LHFPL3: variants seen among roughly 807,000 people sequenced by gnomAD.
LHFPL3 encodes the protein LHFPL tetraspan subfamily member 3.
LHFPL3 carries 5 observed loss-of-function variants against 19.3 expected under a neutral mutation model. That is an observed-to-expected ratio of 0.26 (90% CI 0.14 to 0.54). The LOEUF (loss-of-function observed/expected upper bound fraction) is 0.54. Among genes scored for constraint, LHFPL3 ranks in the 20% least tolerant of loss-of-function variants. LHFPL3 has a pLI of 0.94. For synonymous variants in LHFPL3, 133 were observed against 126.2 expected, an observed-to-expected ratio of 1.05 and a Z score of -0.36; for missense variants, 249 against 307.4, an observed-to-expected ratio of 0.81 and a Z score of 1.42.
intron 1 of LHFPL3, among the ~76,000 whole-genome samples, chr7:104,598,339 G>C (rs1206844066): frequency 6.6e-6 from 1 of 152,186 alleles, no homozygotes; most frequent in Non-Finnish European, 1.5e-5. Flanking sequence ...CTGCCTACAA[G>C]AGCAGAGCTT....
At chr7:104,787,503 T>C (rs1251665533) in intron 2 of LHFPL3, among the ~76,000 whole-genome samples, 2 of 152,190 alleles carry the variant, frequency 1.3e-5, no homozygotes, top group African/African-American at 4.8e-5. Flanking sequence ...CTTCCATAGA[T>C]GGCATTCTTC....
chr7:104,366,265 G>A (rs2116420629), intron 1 of LHFPL3, among the ~76,000 whole-genome samples: 1 of 152,298 alleles, frequency 6.6e-6, no homozygotes, highest in African/African-American at 2.4e-5. Context: ...TGATTGAAAT[G>A]GAGCAGGAAT....
chr7:104,619,492 T>A (rs1042518285), intron 1 of LHFPL3, among the ~76,000 whole-genome samples: 10 of 152,212 alleles, frequency 6.6e-5, no homozygotes, highest in Non-Finnish European at 1.5e-4. Flanking sequence ...ATTAAAGTTC[T>A]TATTATGCAG....
At chr7:104,591,877 A>G (rs1010085031) in intron 1 of LHFPL3, among the ~76,000 whole-genome samples, 1 of 152,154 alleles carries the variant, frequency 6.6e-6, no homozygotes, top group African/African-American at 2.4e-5. Context: ...ATCTTCAATC[A>G]CTGATACCCT....
chr7:104,852,814 G>A (rs578022914), intron 2 of LHFPL3, among the ~76,000 whole-genome samples: 111 of 152,336 alleles, frequency 7.3e-4, no homozygotes, highest in Middle Eastern at 3.4e-3. Context: ...CATGGAGACT[G>A]TTCATGGGGC....
At chr7:104,890,574 C>G (rs954216359) in intron 2 of LHFPL3, among the ~76,000 whole-genome samples, 2 of 152,230 alleles carry the variant, frequency 1.3e-5, no homozygotes, top group East Asian at 3.9e-4. Flanking sequence ...GTCCTTCCCC[C>G]TCAGTCCGTT....
chr7:104,759,335 T>G (rs1584519092), intron 2 of LHFPL3, among the ~76,000 whole-genome samples: 1 of 152,168 alleles, frequency 6.6e-6, no homozygotes, highest in African/African-American at 2.4e-5. Flanking sequence ...GCCACATATG[T>G]GCTTATACAT....
rs936496378 is a variant in LHFPL3 at position 104,827,156 on chromosome 7, T to C, written c.683-79031T>C. 3.9e-5 allele frequency among the ~76,000 whole-genome samples: 6 copies of C among 152,020 alleles called. 1 individual carries two copies. The highest frequency in any genetic ancestry group is 1.5e-4 in the African/African-American group (6 of 41,274). ...TTCTTGATTCTTTTACCACTATCAA[T>C]GTGAGCACTGACAAATCATGGCATA... On this transcript the variant is annotated intron_variant, in intron 2 of 2. Transcript: ENST00000424859.
At chr7:104,849,201 G>A (rs1311564408) in intron 2 of LHFPL3, among the ~76,000 whole-genome samples, 1 of 152,198 alleles carries the variant, frequency 6.6e-6, no homozygotes, top group African/African-American at 2.4e-5. Context: ...GAAGTTCTGG[G>A]ATTACAGGTG....
chr7:104,391,791 A>G (rs919699831), intron 1 of LHFPL3, among the ~76,000 whole-genome samples: 1 of 152,164 alleles, frequency 6.6e-6, no homozygotes, highest in Non-Finnish European at 1.5e-5. Flanking sequence ...GAGCATTTTC[A>G]CAATACTGAT....
chr7:104,611,625 A>G (rs1476436150), intron 1 of LHFPL3, among the ~76,000 whole-genome samples: 1 of 152,208 alleles, frequency 6.6e-6, no homozygotes, highest in Non-Finnish European at 1.5e-5. Context: ...AAAAAGAAAT[A>G]TAAATCTTTT....
At chr7:104,894,228 TTAA>T (rs1224373311) in intron 2 of LHFPL3, among the ~76,000 whole-genome samples, 1 of 152,214 alleles carries the variant, frequency 6.6e-6, no homozygotes, top group Non-Finnish European at 1.5e-5. Flanking sequence ...TAAAATAGCA[TTAA>T]TAATATTACC....
At chr7:104,494,747 G>A (rs1182592061) in intron 1 of LHFPL3, among the ~76,000 whole-genome samples, 2 of 152,056 alleles carry the variant, frequency 1.3e-5, no homozygotes, top group African/African-American at 4.8e-5. Context: ...GAATTCCAAG[G>A]CTTAGGTGGT....
chr7:104,903,511 C>T (rs915490006), intron 2 of LHFPL3, among the ~76,000 whole-genome samples: 1 of 147,852 alleles, frequency 6.8e-6, no homozygotes, highest in Non-Finnish European at 1.5e-5. Context: ...GTCACCCAGG[C>T]TGGAGTGCAG....
chr7:104,876,516 C>A (rs1791943676), intron 2 of LHFPL3, among the ~76,000 whole-genome samples: 1 of 150,896 alleles, frequency 6.6e-6, no homozygotes, highest in South Asian at 2.1e-4. Context: ...CCAAAAGACA[C>A]ATGAAAAAAT....
Position 104,507,032 on chromosome 7 carries a change from G to T in LHFPL3, c.445+177808G>T, listed in dbSNP as rs182274812. 5.9e-3 allele frequency among the ~76,000 whole-genome samples: 901 copies of T among 152,180 alleles called. 7 individuals are homozygous for T. The highest frequency in any genetic ancestry group is 0.017 in the Admixed American group (255 of 15,288). The stretch of plus-strand genomic sequence containing the variant: ...AAAGTTTTTTTTAGAAGAGAGAACT[G>T]GTGTCTCTATTTATACATTGCATTA... On this transcript the variant is annotated intron_variant, in intron 1 of 2. Coordinates refer to ENST00000424859, the MANE Select transcript of LHFPL3 (RefSeq NM_199000.3).
intron 1 of LHFPL3, among the ~76,000 whole-genome samples, chr7:104,714,951 A>G (rs1177961712): frequency 6.6e-6 from 1 of 152,172 alleles, no homozygotes; most frequent in East Asian, 1.9e-4. Flanking sequence ...ATCTATATTT[A>G]TAGGTACATA....
chr7:104,732,775 T>A (rs1041028669), intron 1 of LHFPL3, among the ~76,000 whole-genome samples: 3 of 152,202 alleles, frequency 2.0e-5, no homozygotes, highest in African/African-American at 4.8e-5. Context: ...AGCTTTTGAA[T>A]GTGTTTGCTC....
At chr7:104,402,954 G>A (rs1791343518) in intron 1 of LHFPL3, among the ~76,000 whole-genome samples, 1 of 152,088 alleles carries the variant, frequency 6.6e-6, no homozygotes, top group Admixed American at 6.5e-5. Context: ...ACTAGCACAG[G>A]AACAGAGAAC....
Sources: gnomAD v4.1 joint callset for allele counts (sites outside exome capture counted in the v4.1 genomes callset) on GRCh38, gnomAD v4.1.1 for gene constraint, MANE v1.5 for transcripts, NCBI Gene and HGNC (gene_info 2026-07-23, HGNC 2026-07-21) for gene names.